RAB40B: variants seen among roughly 807,000 people sequenced by gnomAD.
The protein encoded by RAB40B is RAB40B, member RAS oncogene family, also known as ras-related protein Rab-40B.
RAB40B carries 21 observed loss-of-function variants against 24.0 expected under a neutral mutation model. That is an observed-to-expected ratio of 0.88 (90% CI 0.62 to 1.26). The LOEUF is 1.26. Among genes scored for constraint, RAB40B ranks in the 50% most tolerant of loss-of-function variants. The pLI is 0.00. For synonymous variants in RAB40B, 167 were observed against 169.8 expected, an observed-to-expected ratio of 0.98 and a Z score of 0.13; for missense variants, 348 against 390.5, an observed-to-expected ratio of 0.89 and a Z score of 0.92.
intron 1 of RAB40B, among the ~76,000 whole-genome samples, chr17:82,670,903 GATGC>G (rs2046323883): frequency 6.6e-6 from 1 of 152,026 alleles, no homozygotes; most frequent in Non-Finnish European, 1.5e-5. Flanking sequence ...TGGAGTCATG[GATGC>G]TCACAGTCTG....
rs35848277 is a variant in RAB40B, at chr17:82,678,879, G to GTTTT, written c.143-14327_143-14324dup. Among the ~76,000 whole-genome samples, 274 of 99,134 alleles carry GTTTT rather than the reference G, an allele frequency of 2.8e-3. 11 individuals carry two copies. The highest frequency in any genetic ancestry group is 6.3e-3 in the Middle Eastern group (1 of 158). 65.0% of individuals were successfully genotyped at this position (99,134 alleles called of 152,430 possible). A position where few individuals can be genotyped will look rare whatever the true frequency, so the allele number is the denominator to read the frequency against. On this transcript the variant is annotated intron_variant, in intron 1 of 5. Coordinates refer to ENST00000571995, the MANE Select transcript of RAB40B (RefSeq NM_006822.3). ...TTTGTGAAAGCAGCTCCCTTTCTGC[G>GTTTT]TTTTTTTTTTTTTTTTTTTTTGAGA...
chr17:82,696,288 C>G (rs1006547873), intron 1 of RAB40B: 1 of 152,248 alleles, frequency 6.6e-6, no homozygotes, highest in Non-Finnish European at 1.5e-5. Context: ...CCAAAAGTCA[C>G]GCAGCAGAAG....
intron 1 of RAB40B, among the ~76,000 whole-genome samples, chr17:82,689,966 C>A (rs1219101667): frequency 1.5e-3 from 204 of 139,658 alleles, no homozygotes; most frequent in Middle Eastern, 3.7e-3. Flanking sequence ...AACTTCATCT[C>A]AAAAAAAAAA....
rs978408946 is a variant in RAB40B at position 82,663,839 on chromosome 17, A to G, written c.203+657T>C. Among the ~76,000 whole-genome samples the G allele has an allele frequency of 4.6e-5, 7 of 152,142 alleles. No homozygotes were observed. Among genetic ancestry groups the G allele is most frequent in the African/African-American group, 1.7e-4 (7 of 41,426 alleles). ...CCAGGCCACAGGTTCTGATCCCAAA[A>G]GCCGATTCCCAGCCACAGCGCTATG... On this transcript the variant is annotated intron_variant, in intron 2 of 5. Coordinates refer to ENST00000571995, the MANE Select transcript of RAB40B (RefSeq NM_006822.3). The surrounding 1 kb of genome is among the most constrained non-coding windows in gnomAD (Gnocchi z 6.2).
Position 82,676,904 on chromosome 17 carries a change from G to A in RAB40B, c.143-12348C>T, listed in dbSNP as rs552633676. Among the ~76,000 whole-genome samples the A allele has an allele frequency of 6.5e-4, 98 of 151,832 alleles. 1 individual carries two copies. Among genetic ancestry groups the A allele is most frequent in the African/African-American group, 2.3e-3 (97 of 41,368 alleles). ...GCCTCCCAAAGTGCTGGGATTATAG[G>A]CGTGAGCTACCGCGCCCGGCCGGTA... On this transcript the variant is annotated intron_variant, in intron 1 of 5. Transcript: ENST00000571995.
rs568632876 is a variant in RAB40B, at chr17:82,683,000, G to C, written c.142+15455C>G. Among the ~76,000 whole-genome samples the C allele has an allele frequency of 5.9e-5, 9 of 152,154 alleles. No individual in the cohort carries two copies. In the South Asian group the frequency reaches 1.9e-3, roughly 32 times the overall value. ...TCTATTAAAAATACAAAAATTAGCC[G>C]GGCATGGTGGCACACGCCTGTAATC... On this transcript the variant is annotated intron_variant, in intron 1 of 5. Coordinates refer to ENST00000571995, the MANE Select transcript of RAB40B (RefSeq NM_006822.3).
chr17:82,669,741 C>T (rs1200809633), intron 1 of RAB40B, among the ~76,000 whole-genome samples: 2 of 152,180 alleles, frequency 1.3e-5, no homozygotes, highest in Non-Finnish European at 2.9e-5. Context: ...AGCTTCAGGC[C>T]CTGTGAAATT....
At position 82,658,027 on chromosome 17, in the gene RAB40B, A is replaced by G. The variant is rs1485329941; in HGVS notation, c.673T>C (p.Phe225Leu). ...GCATTCAGGCCGTTGGCCATCGAGA[A>G]GGACTTGAGGTGGCTTCTTAAGGCA... ...PIALRSHLKSFSMANGLNARM... is the reference protein window; with the variant it reads ...PIALRSHLKSLSMANGLNARM... The change falls in exon 6 of 6, where the codon TTC becomes CTC. Residue 225 changes from phenylalanine (F) to leucine (L), a missense_variant. Physicochemically the swap from Phe to Leu is conservative, Grantham distance 22 (BLOSUM62 0). Coordinates refer to ENST00000571995, the MANE Select transcript of RAB40B (RefSeq NM_006822.3). The G allele has an allele frequency of 1.2e-6, 2 of 1,614,196 alleles. No homozygotes were observed. The highest frequency in any genetic ancestry group is 1.1e-5 in the South Asian group (1 of 91,080).
intron 1 of RAB40B, among the ~76,000 whole-genome samples, chr17:82,683,152 CAAAG>C (rs2046462653): frequency 6.6e-6 from 1 of 151,918 alleles, no homozygotes. Flanking sequence ...CAAAAACAAA[CAAAG>C]AAACAAACAA....
intron 1 of RAB40B, among the ~76,000 whole-genome samples, chr17:82,666,038 G>C: frequency 1.0e-5 from 1 of 97,294 alleles, no homozygotes; most frequent in East Asian, 2.7e-4. Flanking sequence ...CACTGCACCT[G>C]CCACCACACC....
intron 1 of RAB40B, among the ~76,000 whole-genome samples, chr17:82,679,462 T>TTTC (rs112966844): frequency 1.3e-5 from 2 of 151,738 alleles, no homozygotes; most frequent in African/African-American, 4.8e-5. Context: ...TTTGTATTTT[T>TTTC]AGTAGAGACA....
chr17:82,679,688 C>T (rs1369469361), intron 1 of RAB40B, among the ~76,000 whole-genome samples: 1 of 116,048 alleles, frequency 8.6e-6, no homozygotes, highest in East Asian at 2.5e-4. Context: ...CCACGCCAAC[C>T]CTGTGCGGCC....
Position 82,660,988 on chromosome 17 carries a change from TGTGCGCCCCGGGA to T in RAB40B, c.250_262del (p.Ser84ArgfsTer3). ...CCAGCTCGGGGGATGCTGTGTTACC[TGTGCGCCCCGGGA>T]GTAGGAGCGGAATATGGTACAAAAT... On this transcript the variant is annotated frameshift_variant and splice_region_variant, in exon 3 of 6. Coordinates refer to ENST00000571995, the MANE Select transcript of RAB40B (RefSeq NM_006822.3). LOFTEE classifies it high-confidence loss of function. 2 of 1,614,040 alleles carry T rather than the reference TGTGCGCCCCGGGA, an allele frequency of 1.2e-6. No homozygotes were observed. The highest frequency in any genetic ancestry group is 4.5e-5 in the East Asian group (2 of 44,886).
intron 1 of RAB40B, among the ~76,000 whole-genome samples, chr17:82,685,163 G>A (rs1267703617): frequency 6.9e-6 from 1 of 145,410 alleles, no homozygotes; most frequent in Non-Finnish European, 1.5e-5. Flanking sequence ...ACATTTTACT[G>A]TAAGTAAACC....
intron 1 of RAB40B, 29 bp downstream of exon 1, chr17:82,698,407 TCCCCGGCCCCGCGCCCGCA>T (rs1346145160): frequency 1.3e-5 from 3 of 232,906 alleles, no homozygotes; most frequent in Non-Finnish European, 1.5e-5. Context: ...CCCGCGCCCC[TCCCCGGCCCCGCGCCCGCA>T]CCCCGGCACG....
chr17:82,671,389 G>A (rs2046331773), intron 1 of RAB40B, among the ~76,000 whole-genome samples: 1 of 141,516 alleles, frequency 7.1e-6, no homozygotes, highest in Admixed American at 7.1e-5. Flanking sequence ...CACACATCCT[G>A]TACTCACTGA....
intron 3 of RAB40B, 144 bp downstream of exon 3, chr17:82,660,843 C>T (rs1005716397): frequency 4.3e-5 from 44 of 1,030,586 alleles, no homozygotes; most frequent in Non-Finnish European, 5.4e-5. Context: ...CTCTACAGCA[C>T]GTTTTTAGAC....
chr17:82,680,858 C>T (rs1242632354), intron 1 of RAB40B, among the ~76,000 whole-genome samples: 4 of 151,658 alleles, frequency 2.6e-5, no homozygotes, highest in Non-Finnish European at 4.4e-5. Flanking sequence ...GGTGAAACCC[C>T]GTCTCTACTA....
In RAB40B at chr17:82,658,486, C is replaced by G; in HGVS notation, c.565+5G>C. On this transcript the variant is annotated splice_donor_5th_base_variant and intron_variant, in intron 5 of 5. Coordinates refer to ENST00000571995, the MANE Select transcript of RAB40B (RefSeq NM_006822.3). The stretch of plus-strand genomic sequence containing the variant: ...GGTGGCCCCCGGAATAGCCCCTGGG[C>G]CTACCCTTGCTCGGCCGCCAGAGCC... The G allele has an allele frequency of 6.2e-7, 1 of 1,611,346 alleles. No homozygotes were observed. The highest frequency in any genetic ancestry group is 8.5e-7 in the Non-Finnish European group (1 of 1,179,764).
Sources: gnomAD v4.1 joint callset for allele counts (sites outside exome capture counted in the v4.1 genomes callset) on GRCh38, gnomAD v4.1.1 for gene constraint, Gnocchi (gnomAD v3.1) non-coding constraint, MANE v1.5 for transcripts, NCBI Gene and HGNC (gene_info 2026-07-23, HGNC 2026-07-21) for gene names.